Variants in PALS2 observed in about 807,000 individuals in gnomAD.
PALS2 encodes the protein protein associated with LIN7 2, MAGUK p55 family member, also known as protein PALS2.
Under a neutral mutation model 61.6 loss-of-function variants are expected in PALS2, and 27 were observed. That is an observed-to-expected ratio of 0.44 (90% CI 0.32 to 0.60). The LOEUF is 0.60. Ranked by LOEUF, PALS2 falls within the 20% of genes least tolerant of loss-of-function variation. The pLI is 0.05. For synonymous variants in PALS2, 236 were observed against 218.6 expected (o/e 1.08, Z -0.70); for missense variants, 554 against 639.4 (o/e 0.87, Z 1.44).
At position 24,596,573 on chromosome 7, in the gene PALS2, T is replaced by TATACTACATA. The variant is rs1415155298; in HGVS notation, c.-3+22980_-3+22981insATACTACATA. On this transcript the variant is annotated intron_variant, in intron 1 of 11. Transcript: ENST00000222644. The surrounding 1 kb of genome is among the most constrained non-coding windows in gnomAD (Gnocchi z 4.5). ...AATTTTGATTCATTATACTACATAT[T>TATACTACATA]TTCTTGTAAAATAATGAAGTTTTGA... 4.6e-5 allele frequency among the ~76,000 whole-genome samples: 7 copies of TATACTACATA among 152,154 alleles called. No homozygotes were observed. The highest frequency in any genetic ancestry group is 1.0e-4 in the Non-Finnish European group (7 of 68,034).
intron 3 of PALS2, among the ~76,000 whole-genome samples, chr7:24,647,807 AG>A (rs1785920661): frequency 1.3e-5 from 2 of 152,102 alleles, no homozygotes. Context: ...TTTTTTATTC[AG>A]TGTTTTAATC....
At chr7:24,654,442 G>A (rs1470709991) in intron 5 of PALS2, among the ~76,000 whole-genome samples, 1 of 152,088 alleles carries the variant, frequency 6.6e-6, no homozygotes, top group Admixed American at 6.5e-5. Flanking sequence ...AAAATAAGAT[G>A]AAGACACAAA....
chr7:24,656,347 A>G (rs927065020), intron 5 of PALS2, among the ~76,000 whole-genome samples: 2 of 152,244 alleles, frequency 1.3e-5, no homozygotes, highest in Non-Finnish European at 2.9e-5. Context: ...ATTCCTGTGC[A>G]ATATTTCCTC....
chr7:24,608,796 A>G (rs1784015796), intron 1 of PALS2, among the ~76,000 whole-genome samples: 1 of 151,944 alleles, frequency 6.6e-6, no homozygotes, highest in Non-Finnish European at 1.5e-5. Context: ...TTCTTTTTGT[A>G]GAGATGAGGT....
At chr7:24,612,914 C>G (rs761317826) in intron 1 of PALS2, among the ~76,000 whole-genome samples, 3 of 151,804 alleles carry the variant, frequency 2.0e-5, no homozygotes, top group Non-Finnish European at 3.0e-5. Flanking sequence ...TCTGACATTT[C>G]TCCATTAAAT....
intron 9 of PALS2, among the ~76,000 whole-genome samples, chr7:24,670,794 A>G (rs1377060182): frequency 6.6e-6 from 1 of 152,196 alleles, no homozygotes; most frequent in Non-Finnish European, 1.5e-5. Flanking sequence ...GAGTTATACA[A>G]TATGTGGTGT....
At chr7:24,576,524 G>A (rs1315680867) in intron 1 of PALS2, among the ~76,000 whole-genome samples, 1 of 152,200 alleles carries the variant, frequency 6.6e-6, no homozygotes, top group Non-Finnish European at 1.5e-5. Flanking sequence ...TGCTTACAAA[G>A]TATCATTCTT....
chr7:24,674,496 T>G (rs1056951431), intron 9 of PALS2: 1 of 152,760 alleles, frequency 6.5e-6, no homozygotes, highest in African/African-American at 2.4e-5. Flanking sequence ...TTTCTTAGAA[T>G]GAATGGGTTT....
Position 24,641,087 on chromosome 7 carries a change from T to G in PALS2, c.118-629T>G, listed in dbSNP as rs547702482. On this transcript the variant is annotated intron_variant, in intron 2 of 11. Coordinates refer to ENST00000222644, the MANE Select transcript of PALS2 (RefSeq NM_001303037.2). Reference sequence around the variant, plus strand: ...ACGGTCTATTTTCTGTGGAAAAGATTGTGAGATTAAGAAAAAAACAACTTT... The same window carrying G: ...ACGGTCTATTTTCTGTGGAAAAGATGGTGAGATTAAGAAAAAAACAACTTT... Among the ~76,000 whole-genome samples the G allele has an allele frequency of 7.3e-5, 11 of 151,404 alleles. No individual in the cohort carries two copies. The East Asian group carries it at 2.1e-3, about 29-fold the overall frequency.
At chr7:24,630,314 A>G (rs1051126652) in intron 2 of PALS2, among the ~76,000 whole-genome samples, 6 of 152,076 alleles carry the variant, frequency 3.9e-5, no homozygotes, top group African/African-American at 9.7e-5. Context: ...GGAACATCAC[A>G]CACCGATCCC....
chr7:24,635,411 A>C (rs1785189090), intron 2 of PALS2, among the ~76,000 whole-genome samples: 1 of 152,186 alleles, frequency 6.6e-6, no homozygotes, highest in African/African-American at 2.4e-5. Context: ...TATATCTTGC[A>C]TCCTTGCTGA....
intron 1 of PALS2, among the ~76,000 whole-genome samples, chr7:24,588,819 A>G (rs1783171688): frequency 6.6e-6 from 1 of 152,232 alleles, no homozygotes; most frequent in Admixed American, 6.5e-5. Context: ...AGAGCAAAAT[A>G]ATTCATCATA....
Position 24,641,599 on chromosome 7 carries a change from T to C in PALS2, c.118-117T>C, listed in dbSNP as rs185535890. On this transcript the variant is annotated intron_variant, in intron 2 of 11. Transcript: ENST00000222644. Reference sequence around the variant, plus strand: ...TCTGGTTGAAGTATTAAATTTGGTTTACATGAATTAAATCTCCAAGTAATA... The same window carrying C: ...TCTGGTTGAAGTATTAAATTTGGTTCACATGAATTAAATCTCCAAGTAATA... 4 of 859,956 alleles carry C rather than the reference T, an allele frequency of 4.7e-6. No homozygotes were observed. In the African/African-American group the frequency reaches 5.2e-5, roughly 11 times the overall value. The allele number at this position is 859,956 out of a possible 1,614,324, so 53.3% of individuals were successfully genotyped here.
intron 1 of PALS2, among the ~76,000 whole-genome samples, chr7:24,575,273 G>C (rs894170284): frequency 6.6e-6 from 1 of 152,108 alleles, no homozygotes; most frequent in Non-Finnish European, 1.5e-5. Flanking sequence ...GAATTATTTT[G>C]CATTCTAGGT....
At chr7:24,638,803 C>T (rs910797499) in intron 2 of PALS2, among the ~76,000 whole-genome samples, 1 of 152,158 alleles carries the variant, frequency 6.6e-6, no homozygotes, top group Admixed American at 6.5e-5. Context: ...ATTCCTACTT[C>T]TCCTCACCCA....
chr7:24,577,693 A>T (rs552393360), intron 1 of PALS2, among the ~76,000 whole-genome samples: 47 of 152,216 alleles, frequency 3.1e-4, no homozygotes, highest in African/African-American at 1.1e-3. Context: ...CTCTTCCTAA[A>T]TCATTACATG....
chr7:24,665,884 AACTCACC>A (rs1562652601), intron 7 of PALS2, 130 bp from the exon 8 acceptor site: 3 of 966,262 alleles, frequency 3.1e-6, no homozygotes, highest in Non-Finnish European at 4.7e-6. Flanking sequence ...TCAGTGGCTT[AACTCACC>A]TCCACCCTCT....
chr7:24,594,054 G>C (rs1179961229), intron 1 of PALS2, among the ~76,000 whole-genome samples: 1 of 152,090 alleles, frequency 6.6e-6, no homozygotes, highest in African/African-American at 2.4e-5. Context: ...AATGATCTTA[G>C]CTAGATCTTT....
chr7:24,625,893 G>A (rs1002384759), intron 2 of PALS2, among the ~76,000 whole-genome samples: 1 of 152,048 alleles, frequency 6.6e-6, no homozygotes, highest in Non-Finnish European at 1.5e-5. Context: ...AATAGGGGAG[G>A]AATTCCGCTT....
Sources: allele counts gnomAD v4.1 joint callset (sites outside exome capture counted in the v4.1 genomes callset), GRCh38; gene constraint gnomAD v4.1.1; non-coding constraint Gnocchi (gnomAD v3.1); transcripts MANE v1.5; gene names NCBI Gene and HGNC (gene_info 2026-07-23, HGNC 2026-07-21).